The following CAPN5 variants were observed in gnomAD, a reference collection of about 807,000 sequenced individuals.
CAPN5 encodes the protein calpain 5, also known as calpain-5.
Under a neutral mutation model 73.0 loss-of-function variants are expected in CAPN5, and 54 were observed. The observed-to-expected ratio is 0.74, with a 90% CI of 0.59 to 0.93. The LOEUF is 0.93. CAPN5 is among the 40% of genes least tolerant of loss of function. CAPN5 has a pLI of 0.00. For synonymous variants in CAPN5, 335 were observed against 356.9 expected (o/e 0.94, Z 0.69); for missense variants, 785 against 882.9 (o/e 0.89, Z 1.41).
intron 2 of CAPN5, among the ~76,000 whole-genome samples, chr11:77,092,038 A>G (rs1950153667): frequency 6.6e-6 from 1 of 152,046 alleles, no homozygotes; most frequent in African/African-American, 2.4e-5. Flanking sequence ...TGGGCAACAT[A>G]GTGAGACCTC....
At chr11:77,081,235 G>T (rs148772342) in intron 1 of CAPN5, among the ~76,000 whole-genome samples, 26 of 152,316 alleles carry the variant, frequency 1.7e-4, no homozygotes, top group African/African-American at 6.3e-4. Context: ...GTGCCCTGAG[G>T]TGGTAATAAA....
intron 7 of CAPN5, among the ~76,000 whole-genome samples, chr11:77,116,878 T>G (rs1950473556): frequency 6.6e-6 from 1 of 152,106 alleles, no homozygotes; most frequent in Non-Finnish European, 1.5e-5. Flanking sequence ...AACACAGCTG[T>G]GTTTGAGAAG....
chr11:77,070,609 C>G (rs1440533189), intron 1 of CAPN5, among the ~76,000 whole-genome samples: 1 of 152,240 alleles, frequency 6.6e-6, no homozygotes, highest in African/African-American at 2.4e-5. Context: ...ATTAGCTATT[C>G]TTCAGGAACA....
intron 2 of CAPN5, among the ~76,000 whole-genome samples, chr11:77,092,377 T>C (rs1227609078): frequency 6.6e-6 from 1 of 152,234 alleles, no homozygotes; most frequent in Non-Finnish European, 1.5e-5. Flanking sequence ...CCCATGCTTT[T>C]CCCTTTCACA....
chr11:77,105,908 G>T (rs1950341753), intron 3 of CAPN5, among the ~76,000 whole-genome samples: 1 of 152,190 alleles, frequency 6.6e-6, no homozygotes, highest in Non-Finnish European at 1.5e-5. Context: ...TCCTGCCCAG[G>T]TCACAGAGGG....
At chr11:77,072,799 C>G (rs534383054) in intron 1 of CAPN5, among the ~76,000 whole-genome samples, 2 of 152,328 alleles carry the variant, frequency 1.3e-5, no homozygotes, top group South Asian at 4.1e-4. Context: ...CTAGGACTGC[C>G]TGTACAGGAA....
In CAPN5 at chr11:77,120,771, T is replaced by C. The variant is rs200490589; in HGVS notation, c.1349T>C (p.Ile450Thr). ...HSLQHKAASS[I>T]YINSRSVFLR... is the part of the protein sequence containing the mutation. Reference sequence around the variant, plus strand: ...CTGCAGCACAAGGCCGCCAGCTCCATCTACATCAACTCACGCAGCGTCTTC... The same window carrying C: ...CTGCAGCACAAGGCCGCCAGCTCCACCTACATCAACTCACGCAGCGTCTTC... The change falls in exon 10 of 13, where the codon ATC (isoleucine) becomes ACC (threonine). Residue 450 changes from isoleucine to threonine, a missense_variant. Transcript: ENST00000648180. 21 of 1,613,880 alleles carry C rather than the reference T, an allele frequency of 1.3e-5. No homozygotes were observed. The highest frequency in any genetic ancestry group is 3.4e-6 in the Non-Finnish European group (4 of 1,179,998).
At chr11:77,093,547 A>G (rs1555036904) in intron 2 of CAPN5, 135 bp from the exon 3 acceptor site, 2 of 1,357,894 alleles carry the variant, frequency 1.5e-6, no homozygotes, top group South Asian at 1.5e-5. Context: ...CTGTGGTGGG[A>G]GGCAGGTGAA....
Position 77,121,944 on chromosome 11 carries a change from C to G in CAPN5, c.1498C>G (p.Leu500Val). The G allele has an allele frequency of 6.5e-7, 1 of 1,548,476 alleles. No homozygotes were observed. Among genetic ancestry groups the G allele is most frequent in the Non-Finnish European group, 8.7e-7 (1 of 1,145,732 alleles). The change falls in exon 11 of 13, where the codon CTG becomes GTG. Residue 500 changes from leucine (L) to valine (V), a missense_variant. Coordinates refer to ENST00000648180, the MANE Select transcript of CAPN5 (RefSeq NM_004055.5). Reference sequence around the variant, plus strand: ...GCCGCCCCATATCAGGGAGCTGCGCCTGGATGAGCCCCCACACACCTGCTG... The same window carrying G: ...GCCGCCCCATATCAGGGAGCTGCGCGTGGATGAGCCCCCACACACCTGCTG... ...DVPSNCRELR[L>V]DEPPHTCWSS...
chr11:77,086,785 G>C (rs1198427649), intron 2 of CAPN5, among the ~76,000 whole-genome samples: 15 of 152,198 alleles, frequency 9.9e-5, no homozygotes, highest in African/African-American at 3.1e-4. Flanking sequence ...TTTTAGGTCC[G>C]TGGCTCCGAA....
Position 77,115,595 on chromosome 11 carries a change from C to G in CAPN5, c.893+7C>G. Reference sequence around the variant, plus strand: ...ACGGGCCCTGGAGTGACACGTGAGGCCTGGGGATGGGGGTGCAGGCACAGG... The same window carrying G: ...ACGGGCCCTGGAGTGACACGTGAGGGCTGGGGATGGGGGTGCAGGCACAGG... On this transcript the variant is annotated splice_region_variant and intron_variant, in intron 6 of 12. Transcript: ENST00000648180. 1 of 1,602,696 alleles carries G rather than the reference C, an allele frequency of 6.2e-7. No homozygotes were observed. Among genetic ancestry groups the G allele is most frequent in the South Asian group, 1.1e-5 (1 of 90,548 alleles).
intron 3 of CAPN5, among the ~76,000 whole-genome samples, chr11:77,105,258 TCA>T (rs1950332375): frequency 6.6e-6 from 1 of 151,560 alleles, no homozygotes; most frequent in Non-Finnish European, 1.5e-5. Flanking sequence ...TCACAATCCC[TCA>T]CGGCCCCGAG....
chr11:77,103,144 C>T, intron 3 of CAPN5: 2 of 1,613,878 alleles, frequency 1.2e-6, no homozygotes, highest in Non-Finnish European at 1.7e-6. Context: ...CTGCTGGACC[C>T]CACTGCCATC....
At position 77,088,068 on chromosome 11, in the gene CAPN5, G is replaced by A. The variant is rs782626782; in HGVS notation, c.165+3017G>A. 52 of 1,529,106 alleles carry A rather than the reference G, an allele frequency of 3.4e-5. No homozygotes were observed. The Middle Eastern group carries it at 5.3e-4, about 15-fold the overall frequency. The allele number at this position is 1,529,106 out of a possible 1,614,324, so 94.7% of individuals were successfully genotyped here. ...GCTCAGGGCCCGGGACCTGGTAGGC[G>A]GCCTCCTGTCACCCTGTGGGGGCAA... On this transcript the variant is annotated intron_variant, in intron 2 of 12. Coordinates refer to ENST00000648180, the MANE Select transcript of CAPN5 (RefSeq NM_004055.5).
At chr11:77,118,082 G>C (rs1367287886) in intron 7 of CAPN5, 75 bp from the exon 8 acceptor site, 17 of 1,366,080 alleles carry the variant, frequency 1.2e-5, no homozygotes, top group Non-Finnish European at 1.7e-5. Context: ...GGACATATTA[G>C]GTTGTTGGGC....
intron 2 of CAPN5, among the ~76,000 whole-genome samples, chr11:77,086,373 A>G (rs559285557): frequency 3.3e-5 from 5 of 152,158 alleles, no homozygotes; most frequent in Non-Finnish European, 7.4e-5. Flanking sequence ...CAAGAGAGGA[A>G]GGTGCGTGTC....
intron 11 of CAPN5, 82 bp from the exon 12 acceptor site, chr11:77,122,493 TG>T (rs1591151747): frequency 2.6e-6 from 3 of 1,165,066 alleles, no homozygotes; most frequent in Middle Eastern, 4.4e-4. Flanking sequence ...CTGAGCCGGG[TG>T]GGCATCTCAC....
intron 2 of CAPN5, among the ~76,000 whole-genome samples, chr11:77,089,439 T>G (rs1950126468): frequency 1.3e-5 from 2 of 152,212 alleles, no homozygotes; most frequent in Admixed American, 1.3e-4. Flanking sequence ...GGCAGAGACC[T>G]TCCCTGACTC....
chr11:77,093,242 G>A (rs976214154), intron 2 of CAPN5, among the ~76,000 whole-genome samples: 4 of 152,292 alleles, frequency 2.6e-5, no homozygotes, highest in South Asian at 2.1e-4. Context: ...TCCCATGCCC[G>A]CACCCCCACC....
Sources: gnomAD v4.1 joint callset for allele counts (sites outside exome capture counted in the v4.1 genomes callset) on GRCh38, gnomAD v4.1.1 for gene constraint, MANE v1.5 for transcripts, NCBI Gene and HGNC (gene_info 2026-07-23, HGNC 2026-07-21) for gene names.